Variants in EIF3H observed in about 807,000 individuals in gnomAD.
EIF3H encodes the protein eIF-3-gamma.
Under a neutral mutation model 44.2 loss-of-function variants are expected in EIF3H, and 26 were observed. The observed-to-expected ratio is 0.59, with a 90% CI of 0.43 to 0.82. EIF3H has a LOEUF of 0.82. Among genes scored for constraint, EIF3H ranks in the 40% least tolerant of loss-of-function variants. The pLI is 0.00. For missense variants in EIF3H, 359 were observed against 432.8 expected, an observed-to-expected ratio of 0.83 and a Z score of 1.51; for synonymous variants, 166 against 151.9, an observed-to-expected ratio of 1.09 and a Z score of -0.68.
chr8:116,663,177 A>C (rs1813609379), intron 2 of EIF3H, among the ~76,000 whole-genome samples: 1 of 152,180 alleles, frequency 6.6e-6, no homozygotes, highest in Admixed American at 6.5e-5. Flanking sequence ...CTCGAGAAAT[A>C]AGGCTCAGGA....
Position 116,646,553 on chromosome 8 carries a change from T to C in EIF3H, c.879A>G (p.Glu293=), listed in dbSNP as rs1586429046. 6.2e-7 allele frequency: 1 copy of C among 1,613,840 alleles called. No homozygotes were observed. The highest frequency in any genetic ancestry group is 8.5e-7 in the Non-Finnish European group (1 of 1,179,964). The change falls in exon 7 of 8, where the codon GAA becomes GAG. Residue 293 remains glutamate (E), a synonymous_variant. Coordinates refer to ENST00000521861, the MANE Select transcript of EIF3H (RefSeq NM_003756.3). ...ACAGGTCCTCCTCAGGGAGCGGGGGTTCTCCTCGGCTCTGGCGCTGCATAT... is the reference window on the plus strand; with the variant it reads ...ACAGGTCCTCCTCAGGGAGCGGGGGCTCTCCTCGGCTCTGGCGCTGCATAT... ...QENMQRQSRG[E]PPLPEEDLSK... is the part of the protein sequence containing the mutation.
intron 2 of EIF3H, among the ~76,000 whole-genome samples, chr8:116,691,024 C>T (rs1814164522): frequency 6.6e-6 from 1 of 152,158 alleles, no homozygotes; most frequent in African/African-American, 2.4e-5. Context: ...GCTTACTGTT[C>T]AGTCAACTCT....
upstream of EIF3H, among the ~76,000 whole-genome samples, chr8:116,757,960 G>C (rs1480962409): frequency 6.6e-6 from 1 of 152,142 alleles, no homozygotes; most frequent in Non-Finnish European, 1.5e-5. Flanking sequence ...CACCTCAGGT[G>C]ATCCGCCCGC....
intron 2 of EIF3H, among the ~76,000 whole-genome samples, chr8:116,698,965 G>A (rs976683917): frequency 7.2e-5 from 11 of 151,998 alleles, no homozygotes; most frequent in Admixed American, 4.6e-4. Flanking sequence ...TGGGCAACAT[G>A]GCAAATCCCC....
At chr8:116,728,612 A>G (rs1814896017) in intron 1 of EIF3H, among the ~76,000 whole-genome samples, 1 of 152,148 alleles carries the variant, frequency 6.6e-6, no homozygotes, top group African/African-American at 2.4e-5. Flanking sequence ...AAAGAGCTCA[A>G]AATGGAGTAA....
At chr8:116,732,837 A>G (rs1814973787) in intron 1 of EIF3H, among the ~76,000 whole-genome samples, 1 of 152,152 alleles carries the variant, frequency 6.6e-6, no homozygotes, top group Non-Finnish European at 1.5e-5. Context: ...CTCACACAAC[A>G]CTGCTGACAC....
intron 1 of EIF3H, among the ~76,000 whole-genome samples, chr8:116,727,226 G>C (rs776024785): frequency 6.6e-6 from 1 of 152,196 alleles, no homozygotes; most frequent in Non-Finnish European, 1.5e-5. Flanking sequence ...CAGCCTAAGA[G>C]AGAATCAATG....
At chr8:116,738,703 T>G (rs887109503) in intron 1 of EIF3H, among the ~76,000 whole-genome samples, 1 of 152,202 alleles carries the variant, frequency 6.6e-6, no homozygotes, top group Admixed American at 6.5e-5. Flanking sequence ...CTAAAATAAT[T>G]AGGGACGGAA....
At chr8:116,690,638 T>G (rs1245199274) in intron 2 of EIF3H, among the ~76,000 whole-genome samples, 1 of 152,214 alleles carries the variant, frequency 6.6e-6, no homozygotes, top group East Asian at 1.9e-4. Flanking sequence ...GCACAGAATG[T>G]ACTAATCCTT....
Position 116,657,301 on chromosome 8 carries a change from A to C in EIF3H, c.471T>G (p.Thr157=). Residue 157 remains threonine (T), a synonymous_variant, in exon 4 of 8, where the codon ACT becomes ACG. Transcript: ENST00000521861. The part of the protein sequence containing the change: ...SVVLIYDPIK[T]AQGSLSLKAY... ...CCTTTAGTGAGAGAGATCCTTGGGC[A>C]GTTTTTATGGGATCTCAAACAAGGA... The C allele has an allele frequency of 6.2e-7, 1 of 1,612,968 alleles. No individual in the cohort carries two copies. The highest frequency in any genetic ancestry group is 8.5e-7 in the Non-Finnish European group (1 of 1,179,054).
intron 2 of EIF3H, among the ~76,000 whole-genome samples, chr8:116,666,034 A>G (rs1427580637): frequency 1.3e-5 from 2 of 152,200 alleles, no homozygotes; most frequent in Non-Finnish European, 2.9e-5. Context: ...CCACCCTGTG[A>G]CTGCTTAAAA....
At chr8:116,720,228 TTTGA>T (rs1225017239) in intron 2 of EIF3H, among the ~76,000 whole-genome samples, 1 of 152,196 alleles carries the variant, frequency 6.6e-6, no homozygotes, top group Non-Finnish European at 1.5e-5. Context: ...TTTACAATTG[TTTGA>T]TTTAAATTTA....
chr8:116,655,584 CA>C (rs1274010618), intron 5 of EIF3H, among the ~76,000 whole-genome samples: 1 of 152,144 alleles, frequency 6.6e-6, no homozygotes, highest in Non-Finnish European at 1.5e-5. Context: ...CTGACCTTAT[CA>C]AAGCACAAAT....
chr8:116,725,872 A>G, intron 2 of EIF3H, 144 bp downstream of exon 2: 2 of 959,926 alleles, frequency 2.1e-6, no homozygotes, highest in Non-Finnish European at 2.9e-6. Flanking sequence ...GAATTTATAT[A>G]ATTTTCCCAA....
chr8:116,654,561 G>A, intron 5 of EIF3H, among the ~76,000 whole-genome samples: 1 of 152,120 alleles, frequency 6.6e-6, no homozygotes, highest in Non-Finnish European at 1.5e-5. Flanking sequence ...TTAAATACAG[G>A]TGTGCCCAAT....
chr8:116,745,951 G>A (rs934397109), intron 1 of EIF3H, among the ~76,000 whole-genome samples: 2 of 151,570 alleles, frequency 1.3e-5, no homozygotes, highest in Non-Finnish European at 2.9e-5. Context: ...AAAGTCAGAT[G>A]GACTTAGAAT....
intron 1 of EIF3H, among the ~76,000 whole-genome samples, chr8:116,732,969 G>A (rs943762220): frequency 6.6e-6 from 1 of 152,098 alleles, no homozygotes; most frequent in Non-Finnish European, 1.5e-5. Flanking sequence ...GATTCCCAAA[G>A]TTAAGGACAC....
At chr8:116,733,584 T>C (rs1011610860) in intron 1 of EIF3H, among the ~76,000 whole-genome samples, 2 of 152,100 alleles carry the variant, frequency 1.3e-5, no homozygotes, top group Non-Finnish European at 2.9e-5. Context: ...AGATATTTCA[T>C]GTATTTCAAG....
chr8:116,658,698 G>C (rs749086814), intron 3 of EIF3H, 115 bp downstream of exon 3: 1 of 963,244 alleles, frequency 1.0e-6, no homozygotes, highest in Non-Finnish European at 1.5e-6. Context: ...GCAGAAACAG[G>C]GTTGGTATTT....
Sources: allele counts gnomAD v4.1 joint callset (sites outside exome capture counted in the v4.1 genomes callset), GRCh38; gene constraint gnomAD v4.1.1; transcripts MANE v1.5; gene names NCBI Gene and HGNC (gene_info 2026-07-23, HGNC 2026-07-21).